The following CFAP54 variants were observed in gnomAD, a reference collection of about 807,000 sequenced individuals.
The protein encoded by CFAP54 is cilia and flagella associated protein 54.
CFAP54 carries 290 observed loss-of-function variants against 370.4 expected under a neutral mutation model. The ratio of observed to expected loss-of-function variants is 0.78; its 90% CI spans 0.71 to 0.86. CFAP54 has a LOEUF of 0.86. CFAP54 is among the 40% of genes least tolerant of loss of function. The probability of loss-of-function intolerance (pLI) is 0.00; values close to 1 mark genes in which losing one functional copy is unlikely to be tolerated. For synonymous variants in CFAP54, 1,206 were observed against 1,236.5 expected (o/e 0.98, Z 0.52); for missense variants, 3,399 against 3,528.7 (o/e 0.96, Z 0.93).
At chr12:96,511,182 G>C (rs1321922213) in intron 4 of CFAP54, among the ~76,000 whole-genome samples, 1 of 151,888 alleles carries the variant, frequency 6.6e-6, no homozygotes, top group Non-Finnish European at 1.5e-5. Context: ...GAAATTTAGG[G>C]TACTATACAT....
At chr12:96,748,408 GA>G (rs1446942355) in intron 55 of CFAP54, among the ~76,000 whole-genome samples, 2 of 151,900 alleles carry the variant, frequency 1.3e-5, no homozygotes, top group Non-Finnish European at 2.9e-5. Flanking sequence ...GTACCACTGA[GA>G]AAGTGCTGCT....
intron 32 of CFAP54, among the ~76,000 whole-genome samples, chr12:96,638,206 T>TATATATGC (rs869108031): frequency 1.4e-3 from 52 of 38,006 alleles, no homozygotes; most frequent in African/African-American, 4.7e-3. Context: ...TATATATGCA[T>TATATATGC]GTGTGTGTGT....
At chr12:96,511,776 G>A (rs1447717276) in intron 4 of CFAP54, among the ~76,000 whole-genome samples, 1 of 152,208 alleles carries the variant, frequency 6.6e-6, no homozygotes, top group Non-Finnish European at 1.5e-5. Flanking sequence ...GAGCCACGGC[G>A]CCTGGCCATC....
At chr12:96,630,470 T>G in intron 31 of CFAP54, 81 bp from the exon 32 acceptor site, 1 of 739,738 alleles carries the variant, frequency 1.4e-6, no homozygotes, top group Non-Finnish European at 2.0e-6. Context: ...TGTCAAGAGA[T>G]AAGCATTAGA....
rs1565898134 is a variant in CFAP54 at position 96,564,665 on chromosome 12, TAAA to T, written c.2520_2522del (p.Ile840_Lys841delinsMet). ...ATAGAATTAAATATAATGAATAAAA[TAAA>T]GAAGAATACATTATCCAAAGCAATT... is the stretch of plus-strand genomic sequence containing the variant. On this transcript the variant is annotated inframe_deletion, in exon 19 of 68. Coordinates refer to ENST00000524981, the MANE Select transcript of CFAP54 (RefSeq NM_001306084.2). The T allele has an allele frequency of 1.6e-6, 1 of 638,608 alleles. No homozygotes were observed. The highest frequency in any genetic ancestry group is 1.8e-5 in the South Asian group (1 of 54,110). 39.6% of individuals were successfully genotyped at this position (638,608 alleles called of 1,614,324 possible).
At position 96,576,663 on chromosome 12, in the gene CFAP54, AAAAG is replaced by A. The variant is rs1955980589; in HGVS notation, c.2706_2709del (p.Lys903AlafsTer17). The A allele has an allele frequency of 3.9e-6, 6 of 1,535,622 alleles. No individual in the cohort carries two copies. Among genetic ancestry groups the A allele is most frequent in the Non-Finnish European group, 8.7e-7 (1 of 1,146,630 alleles). ...CTATCAGAAATATTTGGAAAGTTCA[AAAAG>A]AAAGAAAAGCAGAGTCCCCCCTCCA... On this transcript the variant is annotated frameshift_variant, in exon 20 of 68. Transcript: ENST00000524981. LOFTEE classifies it high-confidence loss of function.
chr12:96,834,585 A>G (rs1565996947), intron 66 of CFAP54, among the ~76,000 whole-genome samples: 1 of 152,246 alleles, frequency 6.6e-6, no homozygotes. Flanking sequence ...AACCAGAAGC[A>G]GCTTCCTTGG....
chr12:96,544,346 G>A (rs1476125337), intron 14 of CFAP54, among the ~76,000 whole-genome samples: 1 of 152,060 alleles, frequency 6.6e-6, no homozygotes, highest in Non-Finnish European at 1.5e-5. Context: ...AAAAGTGAAA[G>A]AGAGTCTTTT....
At position 96,643,629 on chromosome 12, in the gene CFAP54, C is replaced by G. The variant is rs140662505; in HGVS notation, c.4317-549C>G. The stretch of plus-strand genomic sequence containing the variant: ...TTTAAAAAATTGAATATATATAATA[C>G]TTGAAATCTAAACTATTAGCTAAAA... On this transcript the variant is annotated intron_variant, in intron 32 of 67. Transcript: ENST00000524981. 2.6e-3 allele frequency among the ~76,000 whole-genome samples: 397 copies of G among 152,170 alleles called. 3 individuals carry two copies. The highest frequency in any genetic ancestry group is 9.2e-3 in the African/African-American group (381 of 41,506).
At chr12:96,506,199 C>T (rs1166430445) in intron 3 of CFAP54, among the ~76,000 whole-genome samples, 1 of 152,028 alleles carries the variant, frequency 6.6e-6, no homozygotes, top group Non-Finnish European at 1.5e-5. Context: ...AGTAACCAGG[C>T]GTGGTGGCGG....
chr12:96,541,165 T>A (rs1160200922), intron 14 of CFAP54, among the ~76,000 whole-genome samples, 178 bp downstream of exon 14: 1 of 152,214 alleles, frequency 6.6e-6, no homozygotes, highest in East Asian at 1.9e-4. Context: ...TAAGGTTTCA[T>A]GCTCTCTGAT....
At chr12:96,604,488 A>G (rs1489810055) in intron 26 of CFAP54, among the ~76,000 whole-genome samples, 1 of 152,216 alleles carries the variant, frequency 6.6e-6, no homozygotes, top group Non-Finnish European at 1.5e-5. Flanking sequence ...TGCTCTCTTC[A>G]GAGCTGTCAG....
chr12:96,634,970 T>C (rs1956648368), intron 32 of CFAP54, among the ~76,000 whole-genome samples: 1 of 152,228 alleles, frequency 6.6e-6, no homozygotes, highest in African/African-American at 2.4e-5. Flanking sequence ...CCACATTCCC[T>C]TTCTTGATTA....
At chr12:96,720,081 C>T (rs1257164745) in intron 49 of CFAP54, among the ~76,000 whole-genome samples, 1 of 152,166 alleles carries the variant, frequency 6.6e-6, no homozygotes, top group Admixed American at 6.5e-5. Context: ...CCATGTCTCC[C>T]CTAGGAGCAA....
chr12:96,576,445 A>T lies in CFAP54; in HGVS notation c.2620-140A>T, dbSNP rs964577770. 8.6e-6 allele frequency: 5 copies of T among 579,138 alleles called. No homozygotes were observed. In the East Asian group the frequency reaches 1.2e-4, roughly 14 times the overall value. The allele number at this position is 579,138 out of a possible 1,614,324, so 35.9% of individuals were successfully genotyped here. A position where few individuals can be genotyped will look rare whatever the true frequency, so the allele number is the denominator to read the frequency against. On this transcript the variant is annotated intron_variant, in intron 19 of 67. Coordinates refer to ENST00000524981, the MANE Select transcript of CFAP54 (RefSeq NM_001306084.2). ...CAAAATCATTAAATAGTTGAAATAT[A>T]TATGTATATATTTGAGCCTCTGAGG... is the stretch of plus-strand genomic sequence containing the variant.
chr12:96,696,732 A>G (rs1163986403), intron 45 of CFAP54, among the ~76,000 whole-genome samples: 10 of 152,132 alleles, frequency 6.6e-5, no homozygotes, highest in African/African-American at 1.4e-4. Context: ...TCTTATTGGC[A>G]TAGTAGGATT....
At chr12:96,663,137 G>A (rs537980503) in intron 38 of CFAP54, among the ~76,000 whole-genome samples, 1 of 152,110 alleles carries the variant, frequency 6.6e-6, no homozygotes, top group Non-Finnish European at 1.5e-5. Context: ...GGCCTTATGA[G>A]GTTGTGGGAA....
intron 17 of CFAP54, among the ~76,000 whole-genome samples, chr12:96,557,629 T>G (rs1238864588): frequency 6.6e-6 from 1 of 152,030 alleles, no homozygotes; most frequent in Non-Finnish European, 1.5e-5. Flanking sequence ...GTGGATGAAT[T>G]CTAGAAACAT....
rs369516772 is a variant in CFAP54 at position 96,664,799 on chromosome 12, A to G, written c.5563+867A>G. On this transcript the variant is annotated intron_variant, in intron 39 of 67. Transcript: ENST00000524981. ...TATCTATATATATATATATATATAT[A>G]TATATATATATATAGATATATATAT... Among the ~76,000 whole-genome samples the G allele has an allele frequency of 7.2e-4, 18 of 25,088 alleles. 3 individuals are homozygous for G. In the South Asian group the frequency reaches 0.012, roughly 16 times the overall value. 16.5% of individuals were successfully genotyped at this position (25,088 alleles called of 152,430 possible).
Sources: gnomAD v4.1 joint callset for allele counts (sites outside exome capture counted in the v4.1 genomes callset) on GRCh38, gnomAD v4.1.1 for gene constraint, MANE v1.5 for transcripts, NCBI Gene and HGNC (gene_info 2026-07-23, HGNC 2026-07-21) for gene names.